The following RP1 variants were observed in gnomAD, a reference collection of about 807,000 sequenced individuals.
The protein encoded by RP1 is RP1 axonemal microtubule associated, also known as oxygen-regulated protein 1.
RP1 carries 16 observed loss-of-function variants against 14.8 expected under a neutral mutation model. The ratio of observed to expected loss-of-function variants is 1.08; its 90% CI spans 0.73 to 1.65. The LOEUF (loss-of-function observed/expected upper bound fraction) is 1.65. Among genes scored for constraint, RP1 ranks in the 40% most tolerant of loss-of-function variants. RP1 has a pLI of 0.00. For missense variants in RP1, 2,631 were observed against 2,535.0 expected, an observed-to-expected ratio of 1.04 and a Z score of -0.81; for synonymous variants, 876 against 883.6, an observed-to-expected ratio of 0.99 and a Z score of 0.15.
At chr8:54,563,640 G>A (rs9792354) in intron 1 of RP1, among the ~76,000 whole-genome samples, 7 of 151,804 alleles carry the variant, frequency 4.6e-5, no homozygotes, top group African/African-American at 7.3e-5. Context: ...TGAATTCCTC[G>A]GCTCAAGTGA....
In RP1 at chr8:54,595,225, G is replaced by C. The variant is rs544947257; in HGVS notation, c.-12-25730G>C. On this transcript the variant is annotated intron_variant, in intron 1 of 22. Coordinates refer to the RP1 transcript ENST00000636932. Reference sequence around the variant, plus strand: ...GCTCACTGCAAGCTCCACCTCCCAGGTTCACGCCATTCTCCTGCCTCAGCC... The same window carrying C: ...GCTCACTGCAAGCTCCACCTCCCAGCTTCACGCCATTCTCCTGCCTCAGCC... Among the ~76,000 whole-genome samples the C allele has an allele frequency of 4.1e-3, 623 of 151,758 alleles. 3 individuals are homozygous for C. Among genetic ancestry groups the C allele is most frequent in the Middle Eastern group, 6.8e-3 (2 of 294 alleles).
At chr8:54,792,459 A>C (rs1320046458) in intron 24 of RP1, among the ~76,000 whole-genome samples, 1 of 151,922 alleles carries the variant, frequency 6.6e-6, no homozygotes, top group Non-Finnish European at 1.5e-5. Flanking sequence ...ATGTTAGGAC[A>C]CAAAACAAGT....
At chr8:54,592,231 T>A (rs1340769463) in intron 1 of RP1, among the ~76,000 whole-genome samples, 2 of 152,246 alleles carry the variant, frequency 1.3e-5, no homozygotes, top group Admixed American at 6.5e-5. Context: ...CTGAACAAGC[T>A]ACATAATTTC....
chr8:54,805,408 T>C (rs973522284), intron 24 of RP1, among the ~76,000 whole-genome samples: 9 of 152,186 alleles, frequency 5.9e-5, no homozygotes, highest in African/African-American at 2.2e-4. Context: ...TAAATAAAAT[T>C]TGTGCTCTCA....
At chr8:54,584,348 G>A (rs1432862151) in intron 1 of RP1, among the ~76,000 whole-genome samples, 3 of 152,206 alleles carry the variant, frequency 2.0e-5, no homozygotes, top group Non-Finnish European at 2.9e-5. Flanking sequence ...TAGTTTGATT[G>A]CACTGTGGTC....
At chr8:54,729,535 G>A (rs932724915) in intron 17 of RP1, among the ~76,000 whole-genome samples, 4 of 151,900 alleles carry the variant, frequency 2.6e-5, no homozygotes, top group East Asian at 1.9e-4. Flanking sequence ...ATTTCATTCC[G>A]AAAAAAAGTA....
At chr8:54,812,709 T>C (rs1811029077) in intron 24 of RP1, among the ~76,000 whole-genome samples, 1 of 152,226 alleles carries the variant, frequency 6.6e-6, no homozygotes, top group Admixed American at 6.5e-5. Context: ...ATTCACATGA[T>C]TCCAGATATC....
At chr8:54,762,176 T>A (rs2129370694) in intron 22 of RP1, among the ~76,000 whole-genome samples, 1 of 152,226 alleles carries the variant, frequency 6.6e-6, no homozygotes. Flanking sequence ...CAGGTGCACA[T>A]CACAGAAGGG....
exon 20 of RP1, chr8:54,754,836 C>T (rs1315225311): frequency 3.3e-6 from 5 of 1,527,746 alleles, no homozygotes; most frequent in Non-Finnish European, 1.8e-6. Flanking sequence ...CAAGAAGATC[C>T]TAGATTTTGC....
At chr8:54,678,340 A>G in intron 8 of RP1, 2 of 728,664 alleles carry the variant, frequency 2.7e-6, no homozygotes, top group Non-Finnish European at 4.2e-6. Context: ...GAAGTACTAA[A>G]GCTTTATATT....
At chr8:54,636,615 G>A (rs940257574) in intron 3 of RP1, among the ~76,000 whole-genome samples, 5 of 152,142 alleles carry the variant, frequency 3.3e-5, no homozygotes, top group African/African-American at 1.2e-4. Context: ...GTGGGCGCCT[G>A]TAATCCTAGC....
chr8:54,802,449 G>A (rs1012085382), intron 24 of RP1, among the ~76,000 whole-genome samples: 1 of 152,106 alleles, frequency 6.6e-6, no homozygotes, highest in Admixed American at 6.5e-5. Flanking sequence ...AAAACAAAAT[G>A]AGAAATACCT....
At chr8:54,634,158 T>C (rs1313789700), downstream of RP1, among the ~76,000 whole-genome samples, 1 of 152,194 alleles carries the variant, frequency 6.6e-6, no homozygotes, top group Non-Finnish European at 1.5e-5. Context: ...TATTCTACGC[T>C]CTTGTCCATT....
chr8:54,852,059 C>A (rs893679128), intron 25 of RP1, among the ~76,000 whole-genome samples: 14 of 152,048 alleles, frequency 9.2e-5, no homozygotes, highest in Non-Finnish European at 1.8e-4. Context: ...TTGCTGGTAC[C>A]TTACTGGACT....
At chr8:54,733,750 A>G (rs532668898) in intron 17 of RP1, among the ~76,000 whole-genome samples, 3 of 152,212 alleles carry the variant, frequency 2.0e-5, no homozygotes, top group Non-Finnish European at 4.4e-5. Flanking sequence ...CATTTGGGGT[A>G]CTTTCAGACA....
chr8:54,866,402 G>A (rs1812460373), intron 28 of RP1, among the ~76,000 whole-genome samples: 2 of 152,164 alleles, frequency 1.3e-5, no homozygotes, highest in Non-Finnish European at 2.9e-5. Flanking sequence ...TATAACAGGA[G>A]ACTTAAGTGG....
In RP1 at chr8:54,630,600, AT is replaced by A. The variant is rs10654889; in HGVS notation, c.*261del. The A allele has an allele frequency of 0.027, 27,980 of 1,039,352 alleles. 1 individual carries two copies. Among genetic ancestry groups the A allele is most frequent in the East Asian group, 0.1 (1,781 of 17,018 alleles). 64.4% of individuals were successfully genotyped at this position (1,039,352 alleles called of 1,614,324 possible). The stretch of plus-strand genomic sequence containing the variant: ...CTATCTGGTTTTGTTCTGAACTTAC[AT>A]TTTTTTTTTTTTTGGTATCTATGAT... On this transcript the variant is annotated 3_prime_UTR_variant, in exon 4 of 4. Coordinates refer to ENST00000220676, the MANE Select transcript of RP1 (RefSeq NM_006269.2).
chr8:54,626,045 T>C lies in RP1; in HGVS notation c.2163T>C (p.Leu721=), dbSNP rs767672491. 2.5e-6 allele frequency: 4 copies of C among 1,613,864 alleles called. No homozygotes were observed. The highest frequency in any genetic ancestry group is 3.3e-4 in the Middle Eastern group (2 of 6,040). ...EMIVQDSDSP[L]KGGILCEEDL... Reference sequence around the variant, plus strand: ...TAGTGCAAGATTCAGATAGTCCCCTTAAAGGAGGGATACTTTGTGAGGAAG... The same window carrying C: ...TAGTGCAAGATTCAGATAGTCCCCTCAAAGGAGGGATACTTTGTGAGGAAG... The change falls in exon 4 of 4, where the codon CTT becomes CTC. Residue 721 remains leucine, a synonymous_variant. Transcript: ENST00000220676.
chr8:54,620,685 G>A (rs776056277), intron 1 of RP1, among the ~76,000 whole-genome samples: 4 of 152,166 alleles, frequency 2.6e-5, no homozygotes, highest in Non-Finnish European at 5.9e-5. Context: ...TTGCATGGGT[G>A]TATATGTGAT....
Sources: allele counts gnomAD v4.1 joint callset (sites outside exome capture counted in the v4.1 genomes callset), GRCh38; gene constraint gnomAD v4.1.1; transcripts MANE v1.5; gene names NCBI Gene and HGNC (gene_info 2026-07-23, HGNC 2026-07-21).